The following ULK4 variants were observed in gnomAD, a reference collection of about 807,000 sequenced individuals.
The protein encoded by ULK4 is unc-51 like kinase 4.
In ULK4, 133 loss-of-function variants were observed where a neutral mutation model predicts 160.6. That is an observed-to-expected ratio of 0.83 (90% CI 0.72 to 0.96). The LOEUF is 0.96. ULK4 is among the 40% of genes least tolerant of loss of function. The pLI is 0.00. For synonymous variants in ULK4, 534 were observed against 539.8 expected, an observed-to-expected ratio of 0.99 and a Z score of 0.15; for missense variants, 1,580 against 1,499.5, an observed-to-expected ratio of 1.05 and a Z score of -0.89.
At chr3:41,466,291 ACT>A (rs1315463661) in intron 32 of ULK4, among the ~76,000 whole-genome samples, 1 of 152,190 alleles carries the variant, frequency 6.6e-6, no homozygotes, top group Non-Finnish European at 1.5e-5. Flanking sequence ...CTACTGAGTC[ACT>A]GATTCAGTAA....
At chr3:41,643,200 A>C (rs1208854525) in intron 30 of ULK4, among the ~76,000 whole-genome samples, 1 of 151,892 alleles carries the variant, frequency 6.6e-6, no homozygotes, top group Non-Finnish European at 1.5e-5. Context: ...GTTTAATTAG[A>C]TCCCATTTGT....
At chr3:41,287,681 C>G (rs541467664) in intron 35 of ULK4, among the ~76,000 whole-genome samples, 4 of 152,278 alleles carry the variant, frequency 2.6e-5, no homozygotes, top group African/African-American at 2.4e-5. Flanking sequence ...GATTTCCCAG[C>G]TAGAGATTTG....
At chr3:41,773,704 A>G (rs555273735) in intron 21 of ULK4, among the ~76,000 whole-genome samples, 88 of 152,346 alleles carry the variant, frequency 5.8e-4, no homozygotes, top group African/African-American at 2.0e-3. Context: ...CTTTCTTCAC[A>G]GAATTGGAAA....
chr3:41,927,284 G>A (rs1318149109), intron 5 of ULK4, among the ~76,000 whole-genome samples: 1 of 152,120 alleles, frequency 6.6e-6, no homozygotes, highest in Non-Finnish European at 1.5e-5. Context: ...ATCCTTTACA[G>A]AAAAACAAAT....
At chr3:41,758,096 T>C (rs1038631898) in intron 21 of ULK4, among the ~76,000 whole-genome samples, 1 of 152,136 alleles carries the variant, frequency 6.6e-6, no homozygotes, top group African/African-American at 2.4e-5. Context: ...AAAAGAGGCC[T>C]GAGTGAGTTT....
intron 19 of ULK4, among the ~76,000 whole-genome samples, chr3:41,804,938 T>C (rs985433314): frequency 6.6e-6 from 1 of 152,158 alleles, no homozygotes; most frequent in African/African-American, 2.4e-5. Context: ...CTTTGTTCTT[T>C]TGGCTTAGGA....
At chr3:41,688,897 C>T (rs1042027851) in intron 27 of ULK4, among the ~76,000 whole-genome samples, 11 of 152,204 alleles carry the variant, frequency 7.2e-5, no homozygotes, top group Non-Finnish European at 1.5e-5. Flanking sequence ...CTCTAACCCA[C>T]AACCTCTACA....
At chr3:41,736,946 G>A (rs1172612455) in intron 22 of ULK4, among the ~76,000 whole-genome samples, 2 of 151,762 alleles carry the variant, frequency 1.3e-5, no homozygotes, top group Non-Finnish European at 2.9e-5. Context: ...TTATTAAATG[G>A]GGAATCCTTT....
intron 32 of ULK4, among the ~76,000 whole-genome samples, chr3:41,484,044 G>A (rs2084419309): frequency 6.6e-6 from 1 of 152,106 alleles, no homozygotes; most frequent in Admixed American, 6.5e-5. Flanking sequence ...TTTCTAATAT[G>A]TCAAAAGGAA....
intron 2 of ULK4, among the ~76,000 whole-genome samples, chr3:41,941,357 C>CTT (rs574203394): frequency 9.2e-5 from 8 of 86,986 alleles, no homozygotes; most frequent in African/African-American, 2.5e-4. Context: ...AAAAAAAAAC[C>CTT]TTTTTTTTTA....
At chr3:41,463,581 G>T (rs1460365839) in intron 32 of ULK4, among the ~76,000 whole-genome samples, 2 of 152,200 alleles carry the variant, frequency 1.3e-5, no homozygotes, top group African/African-American at 4.8e-5. Context: ...GAAAACAACT[G>T]TCCCCAGATT....
intron 22 of ULK4, among the ~76,000 whole-genome samples, chr3:41,726,061 C>A (rs2037639420): frequency 6.6e-6 from 1 of 152,122 alleles, no homozygotes; most frequent in Non-Finnish European, 1.5e-5. Flanking sequence ...ATAAAAAAAG[C>A]AAATTCACAC....
At chr3:41,640,238 C>G (rs940489925) in intron 30 of ULK4, among the ~76,000 whole-genome samples, 1 of 152,144 alleles carries the variant, frequency 6.6e-6, no homozygotes, top group Non-Finnish European at 1.5e-5. Flanking sequence ...CTCATACATA[C>G]AAAACTGTAG....
At chr3:41,416,039 G>A (rs952916290) in intron 34 of ULK4, among the ~76,000 whole-genome samples, 3 of 152,256 alleles carry the variant, frequency 2.0e-5, no homozygotes, top group Non-Finnish European at 4.4e-5. Context: ...GTGGCTATAC[G>A]ATCTTCATAA....
At chr3:41,407,356 C>T (rs1306262451) in intron 34 of ULK4, among the ~76,000 whole-genome samples, 2 of 152,132 alleles carry the variant, frequency 1.3e-5, no homozygotes, top group African/African-American at 2.4e-5. Flanking sequence ...AACTCATTCT[C>T]TGAGGTCAGT....
intron 30 of ULK4, among the ~76,000 whole-genome samples, chr3:41,647,656 C>G (rs570988177): frequency 9.8e-5 from 15 of 152,344 alleles, no homozygotes; most frequent in African/African-American, 3.4e-4. Context: ...CAGGGACCCA[C>G]TTGAGGAGGC....
intron 2 of ULK4, among the ~76,000 whole-genome samples, chr3:41,941,271 C>T (rs929796391): frequency 1.4e-5 from 2 of 138,800 alleles, no homozygotes; most frequent in Non-Finnish European, 3.1e-5. Context: ...CTCCTGGGTT[C>T]AAACGATCCT....
chr3:41,729,048 A>C (rs2125862191), intron 22 of ULK4, among the ~76,000 whole-genome samples: 1 of 152,268 alleles, frequency 6.6e-6, no homozygotes, highest in South Asian at 2.1e-4. Context: ...AAAGACCAAA[A>C]CAATGAATAA....
At chr3:41,520,069 A>G (rs549470360) in intron 32 of ULK4, among the ~76,000 whole-genome samples, 1 of 152,174 alleles carries the variant, frequency 6.6e-6, no homozygotes, top group Non-Finnish European at 1.5e-5. Context: ...ATACCATAAA[A>G]ATGTACCATT....
Sources: allele counts gnomAD v4.1 joint callset (sites outside exome capture counted in the v4.1 genomes callset), GRCh38; gene constraint gnomAD v4.1.1; transcripts MANE v1.5; gene names NCBI Gene and HGNC (gene_info 2026-07-23, HGNC 2026-07-21).